ATAD2B: variants seen among roughly 807,000 people sequenced by gnomAD.
ATAD2B encodes ATPase family AAA domain-containing protein 2B.
Under a neutral mutation model 167.6 loss-of-function variants are expected in ATAD2B, and 40 were observed. That is an observed-to-expected ratio of 0.24 (90% confidence interval 0.19 to 0.31). The LOEUF (loss-of-function observed/expected upper bound fraction) is 0.31. Ranked by LOEUF, ATAD2B falls within the 10% of genes least tolerant of loss-of-function variation. The pLI, the probability that ATAD2B is intolerant of heterozygous loss-of-function variation, is 1.00. For missense variants in ATAD2B, 1,242 were observed against 1,757.2 expected, an observed-to-expected ratio of 0.71 and a Z score of 5.24; for synonymous variants, 579 against 596.5, an observed-to-expected ratio of 0.97 and a Z score of 0.43.
At chr2:23,792,887 C>T (rs1202166815) in intron 19 of ATAD2B, among the ~76,000 whole-genome samples, 3 of 131,016 alleles carry the variant, frequency 2.3e-5, no homozygotes, top group Non-Finnish European at 4.7e-5. Context: ...GGCGTGAACC[C>T]GGGAGGCAGA....
intron 10 of ATAD2B, chr2:23,866,081 C>A (rs986041645): frequency 1.1e-5 from 3 of 275,438 alleles, no homozygotes; most frequent in Non-Finnish European, 1.7e-5. Context: ...TTAAGAGAAG[C>A]TAAATTTTCT....
chr2:23,837,569 G>A (rs13006587), intron 13 of ATAD2B, among the ~76,000 whole-genome samples: 52,348 of 152,126 alleles, frequency 0.34, 11,349 homozygotes, highest in East Asian at 0.62. Context: ...CAAAAGCTCC[G>A]TGGAATGTGC....
chr2:23,775,171 T>C (rs940045492), intron 22 of ATAD2B, among the ~76,000 whole-genome samples: 4 of 151,932 alleles, frequency 2.6e-5, no homozygotes, highest in African/African-American at 9.7e-5. Flanking sequence ...AACTTAGCAT[T>C]TTAGTATTCC....
downstream of ATAD2B, among the ~76,000 whole-genome samples, chr2:23,745,158 A>G (rs182111891): frequency 3.4e-4 from 51 of 152,090 alleles, no homozygotes; most frequent in East Asian, 8.9e-3. Flanking sequence ...GTGGTGGCAC[A>G]TGCCTCTAAT....
chr2:23,804,357 A>C (rs1472286548), intron 18 of ATAD2B, among the ~76,000 whole-genome samples: 4 of 152,208 alleles, frequency 2.6e-5, no homozygotes, highest in Non-Finnish European at 4.4e-5. Context: ...GGTGTCTGCT[A>C]TCATGACTGC....
intron 17 of ATAD2B, among the ~76,000 whole-genome samples, chr2:23,813,092 T>C (rs149919889): frequency 6.6e-6 from 1 of 152,152 alleles, no homozygotes; most frequent in African/African-American, 2.4e-5. Context: ...GAACCCACTA[T>C]GTTAAGATGT....
intron 18 of ATAD2B, among the ~76,000 whole-genome samples, chr2:23,807,891 TATA>T (rs1429676588): frequency 4.1e-5 from 5 of 122,600 alleles, no homozygotes; most frequent in Admixed American, 3.6e-4. Context: ...AATAAATGTA[TATA>T]ATAAAATATA....
chr2:23,693,297 G>A, the ATAD2B span: 1 of 1,545,344 alleles, frequency 6.5e-7, no homozygotes, highest in Non-Finnish European at 8.8e-7. Context: ...GCAACTGCCT[G>A]GGCGTGCTGG....
the ATAD2B span, among the ~76,000 whole-genome samples, chr2:23,737,342 G>A: frequency 2.0e-5 from 3 of 152,252 alleles, no homozygotes; most frequent in East Asian, 5.8e-4. Flanking sequence ...ACTCCTCTGA[G>A]ACAAAACTTC....
chr2:23,776,832 T>C (rs1487491369), intron 22 of ATAD2B, among the ~76,000 whole-genome samples: 2 of 152,174 alleles, frequency 1.3e-5, no homozygotes, highest in Admixed American at 1.3e-4. Flanking sequence ...ATTTGATAAG[T>C]GTATTTATCA....
chr2:23,820,196 A>G lies in ATAD2B; in HGVS notation c.2132-314T>C, dbSNP rs539642727. On this transcript the variant is annotated intron_variant, in intron 16 of 27. Transcript: ENST00000238789. ...TCATAAAATCCCACCTATTTAACTAAAAATCTCTGAGTTAATTTTGACCAA... is the reference window on the plus strand; with the variant it reads ...TCATAAAATCCCACCTATTTAACTAGAAATCTCTGAGTTAATTTTGACCAA... Among the ~76,000 whole-genome samples, 9 of 152,258 alleles carry G rather than the reference A, an allele frequency of 5.9e-5. No individual in the cohort carries two copies. In the South Asian group the frequency reaches 1.7e-3, roughly 28 times the overall value.
At chr2:23,736,002 T>A in the ATAD2B span, among the ~76,000 whole-genome samples, 10 of 152,144 alleles carry the variant, frequency 6.6e-5, no homozygotes, top group African/African-American at 2.4e-4. Context: ...AAGGATTACA[T>A]CTAAGTATTC....
chr2:23,890,163 C>T (rs1474777589), intron 2 of ATAD2B, among the ~76,000 whole-genome samples: 2 of 150,920 alleles, frequency 1.3e-5, no homozygotes, highest in Non-Finnish European at 3.0e-5. Context: ...TACAGTGAGC[C>T]GAGATCGCGC....
chr2:23,840,021 G>T (rs1449919288), intron 13 of ATAD2B, among the ~76,000 whole-genome samples: 1 of 151,938 alleles, frequency 6.6e-6, no homozygotes, highest in East Asian at 1.9e-4. Flanking sequence ...CTTGCATTTG[G>T]CATATTGTGA....
At chr2:23,781,621 T>C (rs1361129967) in intron 22 of ATAD2B, among the ~76,000 whole-genome samples, 1 of 151,860 alleles carries the variant, frequency 6.6e-6, no homozygotes, top group East Asian at 1.9e-4. Flanking sequence ...GCTGAGATCA[T>C]GCCACTGTAC....
At chr2:23,707,967 AAC>A in the ATAD2B span, 1 of 152,254 alleles carries the variant, frequency 6.6e-6, no homozygotes, top group African/African-American at 2.4e-5. Context: ...TCACACGGTC[AAC>A]AGTTTCCATT....
the ATAD2B span, among the ~76,000 whole-genome samples, chr2:23,730,810 T>C: frequency 2.0e-5 from 3 of 150,718 alleles, no homozygotes; most frequent in Non-Finnish European, 4.4e-5. Flanking sequence ...AATAATCTAA[T>C]CTTTCAGTTT....
At chr2:23,694,344 G>A in the ATAD2B span, among the ~76,000 whole-genome samples, 1 of 152,098 alleles carries the variant, frequency 6.6e-6, no homozygotes, top group African/African-American at 2.4e-5. Flanking sequence ...CCCTTTAAGT[G>A]GATCGACTTC....
At chr2:23,742,198 T>C in the ATAD2B span, among the ~76,000 whole-genome samples, 1 of 152,160 alleles carries the variant, frequency 6.6e-6, no homozygotes, top group African/African-American at 2.4e-5. Flanking sequence ...GTCATCCCAT[T>C]ACTGGGTATA....
Sources: gnomAD v4.1 joint callset for allele counts (sites outside exome capture counted in the v4.1 genomes callset) on GRCh38, gnomAD v4.1.1 for gene constraint, MANE v1.5 for transcripts, NCBI Gene and HGNC (gene_info 2026-07-23, HGNC 2026-07-21) for gene names.